The following PIK3R1 variants were observed in gnomAD, a reference collection of about 807,000 sequenced individuals.
The protein encoded by PIK3R1 is phosphatidylinositol 3-kinase regulatory subunit alpha.
In PIK3R1, 29 loss-of-function variants were observed where a neutral mutation model predicts 98.0. The ratio of observed to expected loss-of-function variants is 0.30; its 90% CI spans 0.22 to 0.40. The LOEUF is 0.40. PIK3R1 is among the 10% of genes least tolerant of loss of function. The pLI is 1.00. For synonymous variants in PIK3R1, 282 were observed against 311.8 expected (o/e 0.90, Z 1.01); for missense variants, 596 against 872.7 (o/e 0.68, Z 3.99).
intron 14 of PIK3R1, 185 bp downstream of exon 14, chr5:68,295,673 T>A: frequency 1.6e-6 from 1 of 607,486 alleles, no homozygotes; most frequent in Non-Finnish European, 2.9e-6. Flanking sequence ...TAAGGAGGAC[T>A]AGGATTTATT....
In PIK3R1 at chr5:68,226,273, GT is replaced by G. The variant is rs947773631; in HGVS notation, c.-386-10del. On this transcript the variant is annotated splice_polypyrimidine_tract_variant and intron_variant, in intron 1 of 15. Coordinates refer to ENST00000521381, the MANE Select transcript of PIK3R1 (RefSeq NM_181523.3). ...AGTGTGCTGTTCATTCTTAAGTCTC[GT>G]TTTTTTCATTCCTAGGTGAAGCTCG... 1.2e-5 allele frequency: 5 copies of G among 410,050 alleles called. No homozygotes were observed. The highest frequency in any genetic ancestry group is 1.0e-4 in the African/African-American group (5 of 48,854). The allele number at this position is 410,050 out of a possible 1,614,324, so 25.4% of individuals were successfully genotyped here. A position where few individuals can be genotyped will look rare whatever the true frequency, so the allele number is the denominator to read the frequency against.
intron 5 of PIK3R1, chr5:68,280,262 G>A (rs1746771337): frequency 3.9e-6 from 2 of 508,672 alleles, no homozygotes; most frequent in South Asian, 5.7e-5. Flanking sequence ...GCTCAATACT[G>A]GGTAAGTTGC....
At chr5:68,276,959 C>T (rs1439057514) in intron 4 of PIK3R1, among the ~76,000 whole-genome samples, 4 of 152,146 alleles carry the variant, frequency 2.6e-5, no homozygotes, top group Non-Finnish European at 5.9e-5. Context: ...TAGGGAAACA[C>T]ATAATCCCAC....
intron 2 of PIK3R1, among the ~76,000 whole-genome samples, chr5:68,231,149 C>T (rs1744456124): frequency 6.6e-6 from 1 of 152,176 alleles, no homozygotes; most frequent in South Asian, 2.1e-4. Flanking sequence ...GGCTATTTCT[C>T]AAGACAGTGG....
chr5:68,284,391 T>C (rs1481463102), intron 7 of PIK3R1, among the ~76,000 whole-genome samples: 1 of 152,208 alleles, frequency 6.6e-6, no homozygotes, highest in Non-Finnish European at 1.5e-5. Flanking sequence ...GCCACCCTGA[T>C]GTGGGTACAT....
At position 68,293,388 on chromosome 5, in the gene PIK3R1, G is replaced by A. The variant is rs779658023; in HGVS notation, c.1204G>A (p.Val402Ile). Residue 402 changes from valine (V) to isoleucine (I), a missense_variant, in exon 10 of 16, where the codon GTT becomes ATT. By Grantham distance (29) the Val-to-Ile change is conservative (BLOSUM62 3). Coordinates refer to ENST00000521381, the MANE Select transcript of PIK3R1 (RefSeq NM_181523.3). Reference sequence around the variant, plus strand: ...TGACCCATTAACCTTCAGTTCTGTGGTTGAATTAATAAACCACTACCGGAA... The same window carrying A: ...TGACCCATTAACCTTCAGTTCTGTGATTGAATTAATAAACCACTACCGGAA... Reference protein sequence around the residue: ...FSDPLTFSSVVELINHYRNES... With the variant: ...FSDPLTFSSVIELINHYRNES... 6 of 1,613,296 alleles carry A rather than the reference G, an allele frequency of 3.7e-6. No individual in the cohort carries two copies. The South Asian group carries it at 6.6e-5, about 18-fold the overall frequency.
chr5:68,285,027 A>C (rs375824336), intron 7 of PIK3R1, among the ~76,000 whole-genome samples: 3 of 152,200 alleles, frequency 2.0e-5, no homozygotes, highest in East Asian at 1.9e-4. Flanking sequence ...TCTTTACCCA[A>C]TTAATGCTTA....
Position 68,226,575 on chromosome 5 carries a change from G to T in PIK3R1, c.-101G>T, listed in dbSNP as rs1398321075. On this transcript the variant is annotated 5_prime_UTR_variant, in exon 2 of 16. Coordinates refer to ENST00000521381, the MANE Select transcript of PIK3R1 (RefSeq NM_181523.3). ...TTGTCCTCTGCTGGACACATAATAGGAATTCTAACACATTCTCTGAATTCA... is the reference window on the plus strand; with the variant it reads ...TTGTCCTCTGCTGGACACATAATAGTAATTCTAACACATTCTCTGAATTCA... 1.0e-6 allele frequency: 1 copy of T among 955,860 alleles called. No homozygotes were observed. The highest frequency in any genetic ancestry group is 1.6e-6 in the Non-Finnish European group (1 of 624,704). The allele number at this position is 955,860 out of a possible 1,614,324, so 59.2% of individuals were successfully genotyped here. A position where few individuals can be genotyped will look rare whatever the true frequency, so the allele number is the denominator to read the frequency against.
chr5:68,232,870 G>A (rs1744534582), intron 2 of PIK3R1, among the ~76,000 whole-genome samples: 2 of 152,158 alleles, frequency 1.3e-5, no homozygotes, highest in Non-Finnish European at 2.9e-5. Context: ...TATTTAATTA[G>A]AGGGAGCATA....
rs201997158 is a variant in PIK3R1 at position 68,290,874 on chromosome 5, G to T, written c.917-1385G>T. 1.0e-5 allele frequency: 14 copies of T among 1,406,782 alleles called. No individual in the cohort carries two copies. In the Admixed American group the frequency reaches 1.8e-4, roughly 18 times the overall value. 87.1% of individuals were successfully genotyped at this position (1,406,782 alleles called of 1,614,324 possible). On this transcript the variant is annotated intron_variant, in intron 7 of 15. Transcript: ENST00000521381. Reference sequence around the variant, plus strand: ...TTATTGTAGAGAGTTAGTTAATTTCGTGGCTTTTTAATTTTTCGAAAGCTA... The same window carrying T: ...TTATTGTAGAGAGTTAGTTAATTTCTTGGCTTTTTAATTTTTCGAAAGCTA...
intron 2 of PIK3R1, among the ~76,000 whole-genome samples, chr5:68,268,302 A>G (rs1299141327): frequency 2.0e-5 from 3 of 152,136 alleles, no homozygotes; most frequent in African/African-American, 7.2e-5. Context: ...TAAGGAAGTC[A>G]TCGTTGTTTT....
chr5:68,275,278 G>T (rs1425474724), intron 4 of PIK3R1, among the ~76,000 whole-genome samples: 1 of 152,170 alleles, frequency 6.6e-6, no homozygotes, highest in African/African-American at 2.4e-5. Flanking sequence ...GAACACTCAA[G>T]GTGAAAAGGC....
At chr5:68,275,152 T>C (rs1329479348) in intron 4 of PIK3R1, among the ~76,000 whole-genome samples, 1 of 152,240 alleles carries the variant, frequency 6.6e-6, no homozygotes, top group Non-Finnish European at 1.5e-5. Flanking sequence ...AAAAAAATGT[T>C]TAACTCCATT....
rs1748072519 is a variant in PIK3R1 at position 68,301,420 on chromosome 5, A to ATATATGTGTGTG, written c.*3824_*3825insGTGTGTGTATAT. ...TATATATATATATATATATATATAT[A>ATATATGTGTGTG]TATATATATATATGTGTGTGTATAT... On this transcript the variant is annotated 3_prime_UTR_variant, in exon 16 of 16. Transcript: ENST00000521381. 1 of 102,954 alleles carries ATATATGTGTGTG rather than the reference A, an allele frequency of 9.7e-6. No individual in the cohort carries two copies. The highest frequency in any genetic ancestry group is 1.9e-5 in the Non-Finnish European group (1 of 53,590). The allele number at this position is 102,954 out of a possible 1,614,324, so 6.4% of individuals were successfully genotyped here. A position where few individuals can be genotyped will look rare whatever the true frequency, so the allele number is the denominator to read the frequency against.
intron 1 of PIK3R1, among the ~76,000 whole-genome samples, chr5:68,218,710 G>C (rs1743988570): frequency 6.6e-6 from 1 of 152,172 alleles, no homozygotes; most frequent in Non-Finnish European, 1.5e-5. Flanking sequence ...AAAAGATATT[G>C]TATGTTTCAT....
intron 2 of PIK3R1, among the ~76,000 whole-genome samples, chr5:68,260,772 G>A (rs551085331): frequency 1.9e-4 from 29 of 152,062 alleles, no homozygotes; most frequent in African/African-American, 6.0e-4. Flanking sequence ...TCTTCTCCCC[G>A]CAACCCCATG....
In PIK3R1 at chr5:68,226,897, AGAATATATTGGAAG is replaced by A; in HGVS notation, c.226_239del (p.Tyr76LysfsTer25). 6.2e-7 allele frequency: 1 copy of A among 1,614,110 alleles called. No homozygotes were observed. The highest frequency in any genetic ancestry group is 1.7e-5 in the Admixed American group (1 of 60,016). The stretch of plus-strand genomic sequence containing the variant: ...GGGGGGACTTTCCGGGAACTTACGT[AGAATATATTGGAAG>A]GAAAAAAATCTCGCCTCCCACACCA... On this transcript the variant is annotated frameshift_variant, in exon 2 of 16. Coordinates refer to ENST00000521381, the MANE Select transcript of PIK3R1 (RefSeq NM_181523.3). LOFTEE classifies it high-confidence loss of function.
At chr5:68,270,210 T>C (rs1746289667) in intron 2 of PIK3R1, among the ~76,000 whole-genome samples, 1 of 152,136 alleles carries the variant, frequency 6.6e-6, no homozygotes, top group South Asian at 2.1e-4. Flanking sequence ...GTTTTGTAGC[T>C]CAGGATACTG....
At chr5:68,288,752 G>A in intron 7 of PIK3R1, 7 of 1,613,710 alleles carry the variant, frequency 4.3e-6, no homozygotes, top group Non-Finnish European at 5.9e-6. Context: ...AACCTGCAAA[G>A]TAAGTTGCCT....
Sources: gnomAD v4.1 joint callset for allele counts (sites outside exome capture counted in the v4.1 genomes callset) on GRCh38, gnomAD v4.1.1 for gene constraint, MANE v1.5 for transcripts, NCBI Gene and HGNC (gene_info 2026-07-23, HGNC 2026-07-21) for gene names.